Variants in RHOBTB1 observed in about 807,000 individuals in gnomAD.
RHOBTB1 encodes the protein rho-related BTB domain-containing protein 1.
In RHOBTB1, 40 loss-of-function variants were observed where a neutral mutation model predicts 71.6. The observed-to-expected ratio is 0.56, with a 90% CI of 0.43 to 0.73. The LOEUF (loss-of-function observed/expected upper bound fraction) is 0.73, where lower values mean the gene tolerates loss of function less well. Ranked by LOEUF, RHOBTB1 falls within the 30% of genes least tolerant of loss-of-function variation. The pLI, the probability that RHOBTB1 is intolerant of heterozygous loss-of-function variation, is 0.00. For synonymous variants in RHOBTB1, 319 were observed against 334.9 expected, an observed-to-expected ratio of 0.95 and a Z score of 0.52; for missense variants, 797 against 894.0, an observed-to-expected ratio of 0.89 and a Z score of 1.38.
chr10:60,948,398 A>G (rs2085304853), upstream of RHOBTB1, among the ~76,000 whole-genome samples: 1 of 152,228 alleles, frequency 6.6e-6, no homozygotes, highest in Non-Finnish European at 1.5e-5. Flanking sequence ...ATAAGACTGC[A>G]TTTCAGTGGT....
In RHOBTB1 at chr10:60,920,060, C is replaced by A. The variant is rs533822687; in HGVS notation, c.-10-8508G>T. Among the ~76,000 whole-genome samples the A allele has an allele frequency of 7.2e-5, 11 of 152,286 alleles. No individual in the cohort carries two copies. In the South Asian group the frequency reaches 2.3e-3, roughly 32 times the overall value. The stretch of plus-strand genomic sequence containing the variant: ...GGGTCTACTTTCTTCTACAAATACA[C>A]CAGGGAACCTCTCCTTTGACAATTT... On this transcript the variant is annotated intron_variant, in intron 2 of 10. Coordinates refer to ENST00000337910, the MANE Select transcript of RHOBTB1 (RefSeq NM_014836.5).
intron 4 of RHOBTB1, among the ~76,000 whole-genome samples, chr10:60,905,814 C>T (rs2082650286): frequency 1.3e-5 from 2 of 152,104 alleles, no homozygotes; most frequent in Non-Finnish European, 2.9e-5. Context: ...ACTCAAAATG[C>T]TGTATCTAGA....
chr10:60,953,746 G>A (rs978433779), intron 2 of RHOBTB1, among the ~76,000 whole-genome samples: 3 of 151,540 alleles, frequency 2.0e-5, no homozygotes, highest in Non-Finnish European at 2.9e-5. Context: ...GTTTCTTCTC[G>A]ATAAAACAGT....
intron 4 of RHOBTB1, among the ~76,000 whole-genome samples, chr10:60,906,639 C>G (rs1050483045): frequency 1.3e-5 from 2 of 152,162 alleles, no homozygotes; most frequent in Non-Finnish European, 2.9e-5. Flanking sequence ...AGGCTCACCA[C>G]AAGAGTGAAG....
chr10:60,961,264 T>C (rs188552175), intron 2 of RHOBTB1, among the ~76,000 whole-genome samples: 3 of 152,268 alleles, frequency 2.0e-5, no homozygotes, highest in African/African-American at 4.8e-5. Flanking sequence ...GAACATACTA[T>C]GAGATGACAC....
intron 9 of RHOBTB1, among the ~76,000 whole-genome samples, chr10:60,872,534 C>T (rs994312211): frequency 2.0e-5 from 3 of 152,172 alleles, no homozygotes; most frequent in East Asian, 1.9e-4. Context: ...TATCGAATCA[C>T]GAGCTTAAAG....
downstream of RHOBTB1, among the ~76,000 whole-genome samples, chr10:60,866,147 G>C (rs1478739810): frequency 6.6e-6 from 1 of 152,106 alleles, no homozygotes; most frequent in Admixed American, 6.5e-5. Context: ...TTCATTTTTA[G>C]ATCTGGACCC....
At chr10:60,900,394 T>C (rs1018148660) in intron 4 of RHOBTB1, among the ~76,000 whole-genome samples, 12 of 152,206 alleles carry the variant, frequency 7.9e-5, no homozygotes, top group South Asian at 2.1e-4. Context: ...AGATGTGTGA[T>C]GTGAACCAAA....
chr10:60,926,349 AGAAG>A (rs1241383581), intron 2 of RHOBTB1, among the ~76,000 whole-genome samples: 1 of 152,258 alleles, frequency 6.6e-6, no homozygotes, highest in Non-Finnish European at 1.5e-5. Flanking sequence ...CAAAAAATCA[AGAAG>A]GAAGGAATAC....
chr10:60,893,535 T>A (rs1167570156), intron 4 of RHOBTB1, among the ~76,000 whole-genome samples: 1 of 152,196 alleles, frequency 6.6e-6, no homozygotes, highest in Non-Finnish European at 1.5e-5. Context: ...GTAGACAGCA[T>A]AGCCACTTAT....
At chr10:60,895,930 C>T (rs557821552) in intron 4 of RHOBTB1, among the ~76,000 whole-genome samples, 1 of 152,376 alleles carries the variant, frequency 6.6e-6, no homozygotes, top group East Asian at 1.9e-4. Flanking sequence ...AGCTTTGATG[C>T]ATTTCTCCTT....
intron 8 of RHOBTB1, among the ~76,000 whole-genome samples, chr10:60,876,637 G>A (rs1041259871): frequency 1.3e-5 from 2 of 152,158 alleles, no homozygotes; most frequent in African/African-American, 4.8e-5. Context: ...ATTGCCCATG[G>A]AAGCCTCCCA....
At chr10:60,907,345 C>T (rs763950495) in intron 4 of RHOBTB1, among the ~76,000 whole-genome samples, 2 of 152,208 alleles carry the variant, frequency 1.3e-5, no homozygotes, top group Non-Finnish European at 2.9e-5. Flanking sequence ...CTCCAGGAGA[C>T]AACTCTTGAG....
chr10:60,910,929 G>GA lies in RHOBTB1; in HGVS notation c.253_254insT (p.Thr85IlefsTer4). The GA allele has an allele frequency of 6.2e-7, 1 of 1,614,076 alleles. No individual in the cohort carries two copies. The highest frequency in any genetic ancestry group is 8.5e-7 in the Non-Finnish European group (1 of 1,180,004). On this transcript the variant is annotated frameshift_variant, in exon 4 of 11. Transcript: ENST00000337910. LOFTEE classifies it high-confidence loss of function. ...TCTGTCTTTGTGATGATCACCAAAA[G>GA]TATCCCAAAGCCTGAGAGAAACACT...
intron 4 of RHOBTB1, among the ~76,000 whole-genome samples, chr10:60,905,840 T>A (rs2082651802): frequency 6.6e-6 from 1 of 152,154 alleles, no homozygotes; most frequent in South Asian, 2.1e-4. Flanking sequence ...TCACTGATCC[T>A]TACTTTTTTG....
intron 6 of RHOBTB1, 59 bp from the exon 7 acceptor site, chr10:60,886,289 G>A: frequency 1.6e-6 from 2 of 1,281,102 alleles, no homozygotes; most frequent in Non-Finnish European, 2.3e-6. Flanking sequence ...CTTCAACCAA[G>A]GCTTCTGCTC....
At chr10:60,900,857 C>T (rs553274465) in intron 4 of RHOBTB1, among the ~76,000 whole-genome samples, 3 of 152,130 alleles carry the variant, frequency 2.0e-5, no homozygotes, top group East Asian at 1.9e-4. Flanking sequence ...AGAGGTTAAC[C>T]GGTTAATCTC....
At chr10:60,894,825 A>G (rs1466271009) in intron 4 of RHOBTB1, among the ~76,000 whole-genome samples, 2 of 152,236 alleles carry the variant, frequency 1.3e-5, no homozygotes, top group Non-Finnish European at 2.9e-5. Flanking sequence ...CTATTTCCCT[A>G]TTAAGACACA....
In RHOBTB1 at chr10:60,888,956, C is replaced by A. The variant is rs141622630; in HGVS notation, c.712G>T (p.Ala238Ser). Residue 238 changes from alanine to serine, a missense_variant, in exon 6 of 11, where the codon GCC (alanine) becomes TCC (serine). Ala to Ser is a moderately conservative substitution (Grantham distance 99). This residue lies in a region of RHOBTB1 where 658 missense variants were observed against 681.5 expected (regional missense o/e 0.97). Coordinates refer to ENST00000337910, the MANE Select transcript of RHOBTB1 (RefSeq NM_014836.5). ...LLQAPFLPPKAPPPVIKIPEC... is the reference protein window; with the variant it reads ...LLQAPFLPPKSPPPVIKIPEC... ...GGAATTTTGATGACCGGTGGAGGGG[C>A]TTTTGGAGGTAGGAAGGGTGCCTGA... 62 of 1,614,066 alleles carry A rather than the reference C, an allele frequency of 3.8e-5. No individual in the cohort carries two copies. The African/African-American group carries it at 7.1e-4, about 18-fold the overall frequency.
Sources: gnomAD v4.1 joint callset for allele counts (sites outside exome capture counted in the v4.1 genomes callset) on GRCh38, gnomAD v4.1.1 for gene constraint, gnomAD v4.1.1 regional missense constraint, MANE v1.5 for transcripts, NCBI Gene and HGNC (gene_info 2026-07-23, HGNC 2026-07-21) for gene names.